The following PRICKLE1 variants were observed in gnomAD, a reference collection of about 807,000 sequenced individuals.
PRICKLE1 encodes prickle planar cell polarity protein 1.
A neutral mutation model predicts 70.2 loss-of-function variants in PRICKLE1; 14 were observed. The observed-to-expected ratio is 0.20, with a 90% confidence interval of 0.13 to 0.31. PRICKLE1 has a LOEUF of 0.31. Ranked by LOEUF, PRICKLE1 falls within the 10% of genes least tolerant of loss-of-function variation. The pLI, the probability that PRICKLE1 is intolerant of heterozygous loss-of-function variation, is 1.00. For synonymous variants in PRICKLE1, 357 were observed against 379.9 expected (o/e 0.94, Z 0.70); for missense variants, 821 against 1,026.2 (o/e 0.80, Z 2.73).
chr12:42,460,867 G>A (rs1248048696), intron 7 of PRICKLE1: 11 of 642,906 alleles, frequency 1.7e-5, no homozygotes, highest in African/African-American at 1.7e-4. Flanking sequence ...GGTGGGCACA[G>A]CCTTTTTTGT....
Position 42,460,606 on chromosome 12 carries a change from C to A in PRICKLE1, c.1699G>T (p.Glu567Ter). The A allele has an allele frequency of 6.2e-7, 1 of 1,613,420 alleles. No homozygotes were observed. Among genetic ancestry groups the A allele is most frequent in the Non-Finnish European group, 8.5e-7 (1 of 1,180,044 alleles). ...TCACAATCTTCTGTTTCCATCTCCT[C>A]AAAATTTTGCAGAGAATACAATGAT... ...RPSLYSLQNFEEMETEDCEKM... is the reference protein window; with the variant it reads ...RPSLYSLQNF Residue 567 changes from glutamate to a stop codon, truncating the protein, a stop_gained, in exon 8 of 8, where the codon GAG becomes TAG. Transcript: ENST00000345127. LOFTEE classifies it low-confidence loss of function (END_TRUNC).
At chr12:42,506,076 C>A (rs770492229) in intron 1 of PRICKLE1, among the ~76,000 whole-genome samples, 24 of 152,098 alleles carry the variant, frequency 1.6e-4, no homozygotes, top group Non-Finnish European at 3.2e-4. Context: ...ACCCGGACAT[C>A]GCAAAGTCTT....
chr12:42,580,460 T>C (rs1940879342), intron 1 of PRICKLE1, among the ~76,000 whole-genome samples: 1 of 152,336 alleles, frequency 6.6e-6, no homozygotes, highest in East Asian at 1.9e-4. Context: ...CCATGGAGTA[T>C]GCCTAAAGTC....
chr12:42,575,050 C>CAGTA (rs1225190013), intron 1 of PRICKLE1, among the ~76,000 whole-genome samples: 2 of 150,824 alleles, frequency 1.3e-5, no homozygotes, highest in African/African-American at 4.9e-5. Context: ...AAAGCTCTTA[C>CAGTA]AGTACTAAAG....
intron 1 of PRICKLE1, among the ~76,000 whole-genome samples, chr12:42,586,567 C>T (rs1940990484): frequency 6.6e-6 from 1 of 152,020 alleles, no homozygotes; most frequent in South Asian, 2.1e-4. Context: ...CTATTTTAAC[C>T]AGGAAATTAA....
chr12:42,580,883 AGGAAGGAAGGAC>A (rs771701569), intron 1 of PRICKLE1, among the ~76,000 whole-genome samples: 22 of 152,122 alleles, frequency 1.4e-4, no homozygotes, highest in African/African-American at 3.9e-4. Flanking sequence ...CAAAAGAGAA[AGGAAGGAAGGAC>A]GGAAGGAAGG....
intron 2 of PRICKLE1, among the ~76,000 whole-genome samples, chr12:42,471,728 A>G (rs1938329812): frequency 6.6e-6 from 1 of 152,250 alleles, no homozygotes; most frequent in East Asian, 1.9e-4. Flanking sequence ...TCTTTTAATA[A>G]TATCGCCAGT....
rs1037401 is a variant in PRICKLE1, at chr12:42,472,907, G to A, written c.-48-343C>T. Among the ~76,000 whole-genome samples, 10,395 of 152,208 alleles carry A rather than the reference G, an allele frequency of 0.068. 385 individuals are homozygous for A. Among genetic ancestry groups the A allele is most frequent in the East Asian group, 0.12 (623 of 5,180 alleles). ...CTTTCTAACTTGCCCACAAATCCTT[G>A]TGACATACTGTAAGTTGTAGAAAGA... On this transcript the variant is annotated intron_variant, in intron 1 of 7. Coordinates refer to ENST00000345127, the MANE Select transcript of PRICKLE1 (RefSeq NM_153026.3).
intron 1 of PRICKLE1, among the ~76,000 whole-genome samples, chr12:42,491,945 G>A (rs1214203131): frequency 1.3e-5 from 2 of 151,602 alleles, no homozygotes; most frequent in Non-Finnish European, 2.9e-5. Flanking sequence ...CGCCACGCCC[G>A]GCTAATTTTT....
chr12:42,562,227 C>G (rs1255034085), intron 1 of PRICKLE1, among the ~76,000 whole-genome samples: 1 of 152,018 alleles, frequency 6.6e-6, no homozygotes, highest in African/African-American at 2.4e-5. Flanking sequence ...ATTTTCAAAT[C>G]AGTCAAAAGG....
chr12:42,576,865 T>G (rs1161569625), intron 1 of PRICKLE1, among the ~76,000 whole-genome samples: 1 of 152,198 alleles, frequency 6.6e-6, no homozygotes, highest in Non-Finnish European at 1.5e-5. Flanking sequence ...AAAAGGAACA[T>G]CTAGGCCAGT....
intron 2 of PRICKLE1, among the ~76,000 whole-genome samples, chr12:42,472,184 C>T (rs541845683): frequency 2.6e-5 from 4 of 152,040 alleles, no homozygotes; most frequent in Non-Finnish European, 4.4e-5. Context: ...ACCATGGGTA[C>T]GACGAGATTG....
intron 1 of PRICKLE1, among the ~76,000 whole-genome samples, chr12:42,530,068 C>T (rs536418496): frequency 3.3e-5 from 5 of 151,914 alleles, no homozygotes; most frequent in South Asian, 4.2e-4. Flanking sequence ...CTCAGCCTCC[C>T]GAGTAGCTGG....
At chr12:42,558,389 C>G (rs1047920317) in intron 1 of PRICKLE1, among the ~76,000 whole-genome samples, 2 of 152,130 alleles carry the variant, frequency 1.3e-5, no homozygotes, top group Non-Finnish European at 2.9e-5. Context: ...TAGAGAAATG[C>G]CAGGTTAATT....
At chr12:42,497,140 G>GA (rs1260720973) in intron 1 of PRICKLE1, among the ~76,000 whole-genome samples, 1 of 152,088 alleles carries the variant, frequency 6.6e-6, no homozygotes, top group Non-Finnish European at 1.5e-5. Flanking sequence ...CCACTGTAGG[G>GA]ATATTAACTG....
chr12:42,553,456 A>C (rs975523869), intron 1 of PRICKLE1, among the ~76,000 whole-genome samples: 70 of 102,476 alleles, frequency 6.8e-4, no homozygotes, highest in African/African-American at 2.5e-3. Flanking sequence ...AAAAAAAAAA[A>C]CTGTTTTTCT....
chr12:42,542,982 C>T (rs1940143382), intron 1 of PRICKLE1, among the ~76,000 whole-genome samples: 1 of 152,254 alleles, frequency 6.6e-6, no homozygotes, highest in South Asian at 2.1e-4. Flanking sequence ...ATTCATTGTC[C>T]TTATGGGAGA....
intron 1 of PRICKLE1, among the ~76,000 whole-genome samples, chr12:42,571,739 C>T (rs973996172): frequency 2.0e-5 from 3 of 152,222 alleles, no homozygotes; most frequent in African/African-American, 7.2e-5. Context: ...CACTGTGCAT[C>T]AAAGAGCTCA....
rs1246641114 is a variant in PRICKLE1, at chr12:42,459,306, T to G, written c.*503A>C. 1.4e-6 allele frequency: 1 copy of G among 702,406 alleles called. No individual in the cohort carries two copies. The allele number at this position is 702,406 out of a possible 1,614,324, so 43.5% of individuals were successfully genotyped here. ...GCGCTGATACAATACAATGTTTACCTGGCCAAAGAGGGTTCGAGGGGACAA... is the reference window on the plus strand; with the variant it reads ...GCGCTGATACAATACAATGTTTACCGGGCCAAAGAGGGTTCGAGGGGACAA... On this transcript the variant is annotated 3_prime_UTR_variant, in exon 8 of 8. Coordinates refer to ENST00000345127, the MANE Select transcript of PRICKLE1 (RefSeq NM_153026.3).
Sources: allele counts gnomAD v4.1 joint callset (sites outside exome capture counted in the v4.1 genomes callset), GRCh38; gene constraint gnomAD v4.1.1; transcripts MANE v1.5; gene names NCBI Gene and HGNC (gene_info 2026-07-23, HGNC 2026-07-21).